The following ATXN1 variants were observed in gnomAD, a reference collection of about 807,000 sequenced individuals.
ATXN1 encodes ataxin 1, also known as ataxin-1.
In ATXN1, 8 loss-of-function variants were observed where a neutral mutation model predicts 56.4. The observed-to-expected ratio is 0.14, with a 90% CI of 0.08 to 0.26. The LOEUF (loss-of-function observed/expected upper bound fraction) is 0.26. ATXN1 is among the 10% of genes least tolerant of loss of function. ATXN1 has a pLI of 1.00. For missense variants in ATXN1, 987 were observed against 1,106.5 expected, an observed-to-expected ratio of 0.89 and a Z score of 1.53; for synonymous variants, 514 against 494.6, an observed-to-expected ratio of 1.04 and a Z score of -0.52.
At chr6:16,684,619 T>G (rs1328307868) in intron 2 of ATXN1, among the ~76,000 whole-genome samples, 1 of 152,214 alleles carries the variant, frequency 6.6e-6, no homozygotes, top group Non-Finnish European at 1.5e-5. Flanking sequence ...CAACAGTTAA[T>G]GACAGGCCTA....
At chr6:16,523,419 T>C (rs528232864) in intron 4 of ATXN1, among the ~76,000 whole-genome samples, 4 of 152,198 alleles carry the variant, frequency 2.6e-5, no homozygotes, top group Non-Finnish European at 5.9e-5. Flanking sequence ...GATGCCATCA[T>C]AGCTCACTGC....
At chr6:16,708,513 A>T (rs1266085894) in intron 2 of ATXN1, among the ~76,000 whole-genome samples, 4 of 152,242 alleles carry the variant, frequency 2.6e-5, no homozygotes, top group Non-Finnish European at 5.9e-5. Context: ...CAATTAAAAC[A>T]TAAGGGCTCA....
At chr6:16,708,994 C>A in intron 2 of ATXN1, among the ~76,000 whole-genome samples, 1 of 149,304 alleles carries the variant, frequency 6.7e-6, no homozygotes. Context: ...CCACTGAACT[C>A]CAGCCTGGGT....
At chr6:16,638,404 A>C (rs6913332) in intron 3 of ATXN1, among the ~76,000 whole-genome samples, 87,741 of 149,254 alleles carry the variant, frequency 0.59, 25,802 homozygotes, top group African/African-American at 0.62. Flanking sequence ...CAAGATCACA[A>C]CACTGCAATC....
At chr6:16,625,447 G>A (rs889056588) in intron 3 of ATXN1, among the ~76,000 whole-genome samples, 2 of 152,122 alleles carry the variant, frequency 1.3e-5, no homozygotes, top group Non-Finnish European at 2.9e-5. Flanking sequence ...TTTACAAGGC[G>A]CTGAGTTAGA....
At chr6:16,638,918 G>A (rs1763650331) in intron 3 of ATXN1, among the ~76,000 whole-genome samples, 1 of 152,156 alleles carries the variant, frequency 6.6e-6, no homozygotes, top group South Asian at 2.1e-4. Flanking sequence ...ATTAAATGCA[G>A]AAGTGGTATT....
chr6:16,602,803 CA>C (rs1351759032), intron 3 of ATXN1, among the ~76,000 whole-genome samples: 1 of 152,132 alleles, frequency 6.6e-6, no homozygotes, highest in Non-Finnish European at 1.5e-5. Flanking sequence ...CCTACTTTTG[CA>C]AGCTTCTTTT....
intron 6 of ATXN1, among the ~76,000 whole-genome samples, chr6:16,470,340 A>G (rs1760193108): frequency 6.6e-6 from 1 of 152,164 alleles, no homozygotes; most frequent in Non-Finnish European, 1.5e-5. Context: ...GTAGAGCATT[A>G]GTATTTTATG....
intron 4 of ATXN1, among the ~76,000 whole-genome samples, chr6:16,560,057 C>T (rs1762088270): frequency 6.6e-6 from 1 of 152,132 alleles, no homozygotes; most frequent in African/African-American, 2.4e-5. Flanking sequence ...AATTTGCCCT[C>T]TGTTGTAGCT....
intron 2 of ATXN1, among the ~76,000 whole-genome samples, chr6:16,735,515 G>A (rs529012677): frequency 1.3e-5 from 2 of 152,252 alleles, no homozygotes; most frequent in East Asian, 1.9e-4. Context: ...TATAAGAAAA[G>A]TGTGAAGAAT....
intron 4 of ATXN1, among the ~76,000 whole-genome samples, chr6:16,580,607 G>A (rs1762511326): frequency 1.3e-5 from 2 of 152,182 alleles, no homozygotes; most frequent in African/African-American, 4.8e-5. Context: ...CTTATTTCAT[G>A]AGAGTTATTA....
intron 6 of ATXN1, among the ~76,000 whole-genome samples, chr6:16,353,783 G>A (rs1197220318): frequency 1.3e-5 from 2 of 152,232 alleles, no homozygotes; most frequent in Admixed American, 1.3e-4. Context: ...AACTGCTACA[G>A]GCATTATGCT....
intron 4 of ATXN1, among the ~76,000 whole-genome samples, chr6:16,574,474 G>GT (rs1192780571): frequency 2.0e-5 from 3 of 152,164 alleles, no homozygotes; most frequent in Admixed American, 1.3e-4. Flanking sequence ...CTCCCAAAGT[G>GT]TTGGGATTAC....
intron 2 of ATXN1, among the ~76,000 whole-genome samples, chr6:16,733,472 A>C (rs1220883768): frequency 6.6e-6 from 1 of 151,868 alleles, no homozygotes; most frequent in African/African-American, 2.4e-5. Flanking sequence ...CTGAGGTAGG[A>C]GGATCACTTG....
intron 4 of ATXN1, among the ~76,000 whole-genome samples, chr6:16,584,235 TATATATATACAC>T (rs1221099234): frequency 1.4e-4 from 18 of 128,564 alleles, no homozygotes; most frequent in East Asian, 4.3e-4. Flanking sequence ...TATATATATA[TATATATATACAC>T]ACACACACAC....
chr6:16,661,409 T>C, intron 2 of ATXN1, among the ~76,000 whole-genome samples: 1 of 152,178 alleles, frequency 6.6e-6, no homozygotes, highest in Non-Finnish European at 1.5e-5. Context: ...AGAGATAATT[T>C]TTAATGCAGT....
intron 6 of ATXN1, among the ~76,000 whole-genome samples, chr6:16,446,258 AT>A (rs1759633413): frequency 6.6e-6 from 1 of 151,928 alleles, no homozygotes; most frequent in South Asian, 2.1e-4. Context: ...TTTGATTTGC[AT>A]TTCTCTGATG....
At chr6:16,659,177 G>A (rs1758266174) in intron 2 of ATXN1, among the ~76,000 whole-genome samples, 1 of 152,168 alleles carries the variant, frequency 6.6e-6, no homozygotes. Context: ...TCTAGCCGGA[G>A]GAACAACTGC....
chr6:16,341,514 A>ATTTTTTT (rs1180798356), intron 6 of ATXN1, among the ~76,000 whole-genome samples: 1 of 122,706 alleles, frequency 8.1e-6, no homozygotes, highest in Non-Finnish European at 1.7e-5. Flanking sequence ...GGTATAGAGG[A>ATTTTTTT]TTTTTTTTTT....
Sources: gnomAD v4.1 joint callset for allele counts (sites outside exome capture counted in the v4.1 genomes callset) on GRCh38, gnomAD v4.1.1 for gene constraint, MANE v1.5 for transcripts, NCBI Gene and HGNC (gene_info 2026-07-23, HGNC 2026-07-21) for gene names.